The following AMDHD2 variants were observed in gnomAD, a reference collection of about 807,000 sequenced individuals.
The protein encoded by AMDHD2 is N-acetylglucosamine-6-phosphate deacetylase.
In AMDHD2, 24 loss-of-function variants were observed where a neutral mutation model predicts 41.8. The observed-to-expected ratio is 0.57, with a 90% confidence interval of 0.42 to 0.81. The LOEUF (loss-of-function observed/expected upper bound fraction) is 0.81. AMDHD2 is among the 30% of genes least tolerant of loss of function. The probability of loss-of-function intolerance (pLI) is 0.00; values close to 1 mark genes in which losing one functional copy is unlikely to be tolerated. For synonymous variants in AMDHD2, 332 were observed against 255.5 expected, an observed-to-expected ratio of 1.30 and a Z score of -2.85; for missense variants, 540 against 588.5, an observed-to-expected ratio of 0.92 and a Z score of 0.85.
intron 3 of AMDHD2, among the ~76,000 whole-genome samples, chr16:2,526,607 C>A (rs1020170149): frequency 2.0e-5 from 3 of 150,542 alleles, no homozygotes; most frequent in African/African-American, 7.3e-5. Flanking sequence ...TCATCTGCTA[C>A]CCCCCCAACC....
Position 2,529,674 on chromosome 16 carries a change from C to G in AMDHD2, c.*111C>G, listed in dbSNP as rs866959056. 2.6e-6 allele frequency: 4 copies of G among 1,546,274 alleles called. No individual in the cohort carries two copies. In the African/African-American group the frequency reaches 5.4e-5, roughly 21 times the overall value. On this transcript the variant is annotated 3_prime_UTR_variant, in exon 11 of 11. Transcript: ENST00000293971. ...TCGGGAGCCCTGCTGGATTGATGCC[C>G]AGGGCCTGTGCGGCCGCCCTGGAGG...
In AMDHD2 at chr16:2,529,619, T is replaced by C; in HGVS notation, c.*56T>C. On this transcript the variant is annotated 3_prime_UTR_variant, in exon 11 of 11. Transcript: ENST00000293971. ...GCAGCGGGATGCCATCAGGGCCGGG[T>C]GGTTGGGGAGCTGGTCTCCAGGGAG... 4 of 1,598,156 alleles carry C rather than the reference T, an allele frequency of 2.5e-6. No individual in the cohort carries two copies. Among genetic ancestry groups the C allele is most frequent in the Non-Finnish European group, 3.4e-6 (4 of 1,178,378 alleles).
rs552499635 is a variant in AMDHD2 at position 2,521,394 on chromosome 16, T to C, written c.360+271T>C. 1.1e-3 allele frequency among the ~76,000 whole-genome samples: 171 copies of C among 152,200 alleles called. 2 individuals carry two copies. Among genetic ancestry groups the C allele is most frequent in the Middle Eastern group, 6.8e-3 (2 of 294 alleles). ...TGAGCCATAGGCCGTCCCCACCCCC[T>C]GCACTGCACTCTGGCTGCCTCCAGG... On this transcript the variant is annotated intron_variant, in intron 3 of 10. Transcript: ENST00000293971.
rs778068843 is a variant in AMDHD2, at chr16:2,528,302, A to G, written c.784A>G (p.Ile262Val). The G allele has an allele frequency of 1.9e-6, 3 of 1,612,594 alleles. No homozygotes were observed. In the South Asian group the frequency reaches 3.3e-5, roughly 18 times the overall value. The change falls in exon 7 of 11, where the codon ATC becomes GTC. Residue 262 changes from isoleucine to valine, a missense_variant. Coordinates refer to ENST00000293971, the MANE Select transcript of AMDHD2 (RefSeq NM_001330449.2). ...CGACCGGCTGCCCGCAGGCCGCTGC[A>G]TCTTCTATGGGATGATTGCAGATGG... ...TSDRLPAGRC[I>V]FYGMIADGTH...
intron 9 of AMDHD2, 30 bp downstream of exon 9, chr16:2,528,748 G>A: frequency 6.2e-7 from 1 of 1,608,470 alleles, no homozygotes; most frequent in Non-Finnish European, 8.5e-7. Context: ...GCGGGTTTAG[G>A]TGGTCTGTGA....
rs945865742 is a variant in AMDHD2 at position 2,526,742 on chromosome 16, C to T, written c.361-819C>T. Among the ~76,000 whole-genome samples the T allele has an allele frequency of 6.6e-5, 10 of 152,134 alleles. No homozygotes were observed. The East Asian group carries it at 1.4e-3, about 21-fold the overall frequency. Reference sequence around the variant, plus strand: ...GGTCAGGAGTTTGAAACTGGCCTGACCTACATGGTGAAACCCCGCCTCTAC... The same window carrying T: ...GGTCAGGAGTTTGAAACTGGCCTGATCTACATGGTGAAACCCCGCCTCTAC... On this transcript the variant is annotated intron_variant, in intron 3 of 10. Coordinates refer to ENST00000293971, the MANE Select transcript of AMDHD2 (RefSeq NM_001330449.2).
In AMDHD2 at chr16:2,527,977, T is replaced by C; in HGVS notation, c.620T>C (p.Val207Ala). Residue 207 changes from valine to alanine, a missense_variant, in exon 5 of 11, where the codon GTG (valine) becomes GCG (alanine). Val to Ala is a moderately conservative substitution (Grantham distance 64). Coordinates refer to ENST00000293971, the MANE Select transcript of AMDHD2 (RefSeq NM_001330449.2). This position sits in a 1 kb window ranked among gnomAD's most constrained non-coding sequence, Gnocchi z 6.1. ...GCGCTGACGGCCCGTGGCATCTGCGTGTCCCTAGGTGAGGGGCCGGCTCGG... is the reference window on the plus strand; with the variant it reads ...GCGCTGACGGCCCGTGGCATCTGCGCGTCCCTAGGTGAGGGGCCGGCTCGG... ...IRALTARGIC[V>A]SLGHSVADLR... 1 of 1,604,924 alleles carries C rather than the reference T, an allele frequency of 6.2e-7. No homozygotes were observed.
chr16:2,530,905 A>T lies in AMDHD2; in HGVS notation c.*1342A>T. 6.2e-7 allele frequency: 1 copy of T among 1,613,314 alleles called. No homozygotes were observed. Among genetic ancestry groups the T allele is most frequent in the South Asian group, 1.1e-5 (1 of 91,076 alleles). ...CCCACCTCTGCCTTGACGGCCGCGC[A>T]CCCCTTAGGAAGTGGCTGTCCAGCG... is the stretch of plus-strand genomic sequence containing the variant. On this transcript the variant is annotated 3_prime_UTR_variant, in exon 11 of 11. Coordinates refer to ENST00000293971, the MANE Select transcript of AMDHD2 (RefSeq NM_001330449.2).
In AMDHD2 at chr16:2,527,665, A is replaced by G. The variant is rs2066021129; in HGVS notation, c.415+50A>G. 6.3e-7 allele frequency: 1 copy of G among 1,581,326 alleles called. No individual in the cohort carries two copies. Among genetic ancestry groups the G allele is most frequent in the African/African-American group, 1.3e-5 (1 of 74,220 alleles). Reference sequence around the variant, plus strand: ...CCCCACCCTGGGAGGCTCCTGCGGGACCTGTTGGCAGCCCCCACCCCTCCA... The same window carrying G: ...CCCCACCCTGGGAGGCTCCTGCGGGGCCTGTTGGCAGCCCCCACCCCTCCA... On this transcript the variant is annotated intron_variant, in intron 4 of 10. Coordinates refer to ENST00000293971, the MANE Select transcript of AMDHD2 (RefSeq NM_001330449.2). This position sits in a 1 kb window ranked among gnomAD's most constrained non-coding sequence, Gnocchi z 6.1.
chr16:2,523,761 C>T (rs1466107015), intron 3 of AMDHD2, among the ~76,000 whole-genome samples: 1 of 152,188 alleles, frequency 6.6e-6, no homozygotes, highest in African/African-American at 2.4e-5. Context: ...CTCTGCCCCA[C>T]CCCTACCGGC....
intron 3 of AMDHD2, among the ~76,000 whole-genome samples, chr16:2,523,834 C>A (rs1460579963): frequency 6.6e-6 from 1 of 152,216 alleles, no homozygotes; most frequent in Non-Finnish European, 1.5e-5. Context: ...CACTCCTGCC[C>A]CCAAACTCTT....
Position 2,527,765 on chromosome 16 carries a change from C to T in AMDHD2, c.416-8C>T, listed in dbSNP as rs755370587. ...GACCTGCTGGAGCCACTTGCTCCCT[C>T]CTCCCAGGGCTGCACCTGGAGGGCC... On this transcript the variant is annotated splice_polypyrimidine_tract_variant and splice_region_variant and intron_variant, in intron 4 of 10. Transcript: ENST00000293971. The surrounding 1 kb of genome is among the most constrained non-coding windows in gnomAD (Gnocchi z 6.1). 1.1e-5 allele frequency: 17 copies of T among 1,564,640 alleles called. No individual in the cohort carries two copies. Among genetic ancestry groups the T allele is most frequent in the South Asian group, 2.3e-5 (2 of 86,294 alleles).
intron 3 of AMDHD2, among the ~76,000 whole-genome samples, chr16:2,525,136 A>C (rs2065987039): frequency 6.6e-6 from 1 of 151,738 alleles, no homozygotes; most frequent in Non-Finnish European, 1.5e-5. Context: ...TGCTCACTGC[A>C]ACCTCTGCCT....
Position 2,527,788 on chromosome 16 carries a change from G to T in AMDHD2, c.431G>T (p.Gly144Val). The T allele has an allele frequency of 6.3e-7, 1 of 1,579,268 alleles. No individual in the cohort carries two copies. Reference protein sequence around the residue: ...GAGVLGLHLEGPFISREKRGA... With the variant: ...GAGVLGLHLEVPFISREKRGA... ...CTCCTCCCAGGGCTGCACCTGGAGG[G>T]CCCCTTCATCAGCCGGGAGAAGCGG... The change falls in exon 5 of 11, where the codon GGC becomes GTC. Residue 144 changes from glycine to valine, a missense_variant. Coordinates refer to ENST00000293971, the MANE Select transcript of AMDHD2 (RefSeq NM_001330449.2). This position sits in a 1 kb window ranked among gnomAD's most constrained non-coding sequence, Gnocchi z 6.1.
rs1052834110 is a variant in AMDHD2, at chr16:2,527,498, C to G, written c.361-63C>G. 6.4e-7 allele frequency: 1 copy of G among 1,561,748 alleles called. No homozygotes were observed. The highest frequency in any genetic ancestry group is 1.3e-5 in the African/African-American group (1 of 74,354). ...TCTGACCTGAGATCTCTGGCCTTGG[C>G]TAGGCTGTGGCCTCTGGGAATGGGC... is the stretch of plus-strand genomic sequence containing the variant. On this transcript the variant is annotated intron_variant, in intron 3 of 10. Coordinates refer to ENST00000293971, the MANE Select transcript of AMDHD2 (RefSeq NM_001330449.2). The surrounding 1 kb of genome is among the most constrained non-coding windows in gnomAD (Gnocchi z 6.1).
Position 2,530,409 on chromosome 16 carries a change from A to G in AMDHD2, c.*846A>G. The G allele has an allele frequency of 6.2e-7, 1 of 1,614,142 alleles. No homozygotes were observed. The highest frequency in any genetic ancestry group is 8.5e-7 in the Non-Finnish European group (1 of 1,180,024). ...ACCCATGTGGCAAACACGGGCCGTG[A>G]GGCTCCCTGAACAGCTTCGAGGCGG... On this transcript the variant is annotated 3_prime_UTR_variant, in exon 11 of 11. Coordinates refer to ENST00000293971, the MANE Select transcript of AMDHD2 (RefSeq NM_001330449.2).
In AMDHD2 at chr16:2,530,084, A is replaced by T; in HGVS notation, c.*521A>T. On this transcript the variant is annotated 3_prime_UTR_variant, in exon 11 of 11. Coordinates refer to ENST00000293971, the MANE Select transcript of AMDHD2 (RefSeq NM_001330449.2). Reference sequence around the variant, plus strand: ...TTGGGGTGTGCAGCGTGGAGCCCACAGCCTGGTTCTGGGCCAGGGCACAGT... The same window carrying T: ...TTGGGGTGTGCAGCGTGGAGCCCACTGCCTGGTTCTGGGCCAGGGCACAGT... 1 of 1,017,364 alleles carries T rather than the reference A, an allele frequency of 9.8e-7. No individual in the cohort carries two copies. Among genetic ancestry groups the T allele is most frequent in the Non-Finnish European group, 1.4e-6 (1 of 720,094 alleles). 63.0% of individuals were successfully genotyped at this position (1,017,364 alleles called of 1,614,324 possible).
At chr16:2,529,308 G>A (rs972973385) in intron 10 of AMDHD2, 167 bp from the exon 11 acceptor site, 27 of 1,189,784 alleles carry the variant, frequency 2.3e-5, no homozygotes, top group Non-Finnish European at 3.1e-5. Flanking sequence ...GGGTTGCAGG[G>A]AGCATTGTCC....
chr16:2,522,468 G>A (rs1276133785), intron 3 of AMDHD2, among the ~76,000 whole-genome samples: 3 of 152,064 alleles, frequency 2.0e-5, no homozygotes, highest in Admixed American at 6.5e-5. Context: ...ACGAAGTCAG[G>A]AGATCGAGAC....
Sources: gnomAD v4.1 joint callset for allele counts (sites outside exome capture counted in the v4.1 genomes callset) on GRCh38, gnomAD v4.1.1 for gene constraint, Gnocchi (gnomAD v3.1) non-coding constraint, MANE v1.5 for transcripts, NCBI Gene and HGNC (gene_info 2026-07-23, HGNC 2026-07-21) for gene names.